The following KSR2 variants were observed in gnomAD, a reference collection of about 807,000 sequenced individuals.
KSR2 encodes kinase suppressor of ras 2.
A neutral mutation model predicts 107.8 loss-of-function variants in KSR2; 25 were observed. The ratio of observed to expected loss-of-function variants is 0.23; its 90% CI spans 0.17 to 0.32. KSR2 has a LOEUF of 0.32. Ranked by LOEUF, KSR2 falls within the 10% of genes least tolerant of loss-of-function variation. The pLI is 1.00. For synonymous variants in KSR2, 480 were observed against 507.0 expected (o/e 0.95, Z 0.71); for missense variants, 887 against 1,268.9 (o/e 0.70, Z 4.57).
intron 5 of KSR2, among the ~76,000 whole-genome samples, chr12:117,607,924 C>G (rs373306652): frequency 2.0e-5 from 3 of 152,140 alleles, no homozygotes; most frequent in African/African-American, 7.2e-5. Context: ...GCGTGAGCAG[C>G]GGTTCCTTGC....
At chr12:117,767,556 T>C (rs1175599864) in intron 3 of KSR2, among the ~76,000 whole-genome samples, 2 of 151,884 alleles carry the variant, frequency 1.3e-5, no homozygotes, top group East Asian at 3.9e-4. Flanking sequence ...TCCCAGCACT[T>C]CGGAAGGCCA....
chr12:117,589,710 C>T (rs1462500359), intron 5 of KSR2, among the ~76,000 whole-genome samples: 1 of 152,246 alleles, frequency 6.6e-6, no homozygotes, highest in East Asian at 1.9e-4. Context: ...ATATCATTCA[C>T]ATAGCAGAGG....
chr12:117,599,985 C>T (rs1880846585), intron 5 of KSR2, among the ~76,000 whole-genome samples: 1 of 152,168 alleles, frequency 6.6e-6, no homozygotes, highest in Non-Finnish European at 1.5e-5. Flanking sequence ...CTGTAGCCCT[C>T]CCAGGTCGGT....
At chr12:117,559,967 A>G (rs1182700776) in intron 7 of KSR2, among the ~76,000 whole-genome samples, 1 of 152,188 alleles carries the variant, frequency 6.6e-6, no homozygotes, top group Non-Finnish European at 1.5e-5. Context: ...TAGTATTAAA[A>G]TAGACGTATA....
intron 1 of KSR2, among the ~76,000 whole-genome samples, chr12:117,899,222 G>A (rs920017648): frequency 1.6e-4 from 24 of 152,156 alleles, no homozygotes; most frequent in Non-Finnish European, 2.6e-4. Flanking sequence ...GGTTGGGCAC[G>A]GTGGCTCATG....
At chr12:117,816,225 C>T (rs1891364489) in intron 3 of KSR2, among the ~76,000 whole-genome samples, 1 of 152,128 alleles carries the variant, frequency 6.6e-6, no homozygotes, top group Non-Finnish European at 1.5e-5. Flanking sequence ...TGTTGGATCA[C>T]ACACTGTTGG....
At chr12:117,470,218 ATCCATCCATCCG>A (rs1446115400) in intron 18 of KSR2, among the ~76,000 whole-genome samples, 2 of 125,850 alleles carry the variant, frequency 1.6e-5, no homozygotes, top group African/African-American at 6.7e-5. Flanking sequence ...CCATCCATCC[ATCCATCCATCCG>A]GCATGTATCT....
chr12:117,876,158 C>T (rs1893842144), intron 1 of KSR2, among the ~76,000 whole-genome samples: 2 of 152,312 alleles, frequency 1.3e-5, no homozygotes, highest in Non-Finnish European at 1.5e-5. Context: ...AGCCAGCAGC[C>T]CCGACGCCTT....
At chr12:117,473,887 G>A (rs1470498108) in intron 17 of KSR2, among the ~76,000 whole-genome samples, 9 of 152,174 alleles carry the variant, frequency 5.9e-5, no homozygotes, top group Non-Finnish European at 2.9e-5. Context: ...TGAAGCCTCA[G>A]TATTCTCACC....
chr12:117,718,435 A>T (rs1887080767), intron 4 of KSR2, among the ~76,000 whole-genome samples: 1 of 152,212 alleles, frequency 6.6e-6, no homozygotes, highest in South Asian at 2.1e-4. Context: ...TCTTTAAATA[A>T]ATACGGCTTT....
chr12:117,824,856 CA>C (rs146100153), intron 3 of KSR2, among the ~76,000 whole-genome samples: 10,074 of 74,990 alleles, frequency 0.13, 972 homozygotes, highest in East Asian at 0.38. Flanking sequence ...GACTCTATCT[CA>C]AAAAAAAAAA....
At chr12:117,522,043 A>G (rs1418613870) in intron 14 of KSR2, among the ~76,000 whole-genome samples, 1 of 152,150 alleles carries the variant, frequency 6.6e-6, no homozygotes, top group Non-Finnish European at 1.5e-5. Context: ...TCAGAGACCA[A>G]TTACACATCC....
intron 5 of KSR2, among the ~76,000 whole-genome samples, chr12:117,594,178 T>C (rs924421903): frequency 3.3e-5 from 5 of 152,192 alleles, no homozygotes; most frequent in Non-Finnish European, 5.9e-5. Flanking sequence ...CGGAAGTTAA[T>C]TGTCCACAGA....
chr12:117,781,624 A>G (rs1014374300), intron 3 of KSR2, among the ~76,000 whole-genome samples: 1 of 152,202 alleles, frequency 6.6e-6, no homozygotes, highest in Non-Finnish European at 1.5e-5. Flanking sequence ...CTTCAACTGG[A>G]CGATGAATTC....
chr12:117,717,706 T>C (rs397849858), intron 4 of KSR2, among the ~76,000 whole-genome samples: 99 of 89,950 alleles, frequency 1.1e-3, no homozygotes, highest in African/African-American at 3.6e-3. Flanking sequence ...TGTGTGTGTG[T>C]GTGTGTGCAT....
chr12:117,916,389 A>G lies in KSR2; in HGVS notation c.180+51687T>C, dbSNP rs141292852. ...CAACCTCAGGTGATCCGCCCGCCTC[A>G]TCCTCCCAAAGTGCTGGGAATACAG... On this transcript the variant is annotated intron_variant, in intron 1 of 19. Transcript: ENST00000339824. 6.8e-3 allele frequency among the ~76,000 whole-genome samples: 1,040 copies of G among 152,168 alleles called. 10 individuals are homozygous for G. The highest frequency in any genetic ancestry group is 0.023 in the African/African-American group (967 of 41,540).
At chr12:117,592,085 T>A (rs1445985709) in intron 5 of KSR2, among the ~76,000 whole-genome samples, 3 of 151,840 alleles carry the variant, frequency 2.0e-5, no homozygotes, top group African/African-American at 7.3e-5. Flanking sequence ...TATTCTAATA[T>A]TCACATACTC....
At chr12:117,732,309 G>A (rs1407917871) in intron 4 of KSR2, among the ~76,000 whole-genome samples, 1 of 150,076 alleles carries the variant, frequency 6.7e-6, no homozygotes, top group East Asian at 1.9e-4. Flanking sequence ...TTTTTTTTGA[G>A]TCAGCATCTT....
At chr12:117,861,678 G>T (rs1311978732) in intron 1 of KSR2, among the ~76,000 whole-genome samples, 1 of 151,890 alleles carries the variant, frequency 6.6e-6, no homozygotes, top group Non-Finnish European at 1.5e-5. Context: ...ATGAGCCACC[G>T]CGCCCAGCCG....
Sources: gnomAD v4.1 joint callset for allele counts (sites outside exome capture counted in the v4.1 genomes callset) on GRCh38, gnomAD v4.1.1 for gene constraint, MANE v1.5 for transcripts, NCBI Gene and HGNC (gene_info 2026-07-23, HGNC 2026-07-21) for gene names.